CAP2: variants seen among roughly 807,000 people sequenced by gnomAD.
CAP2 encodes the protein cyclase associated actin cytoskeleton regulatory protein 2, also known as adenylyl cyclase-associated protein 2.
In CAP2, 24 loss-of-function variants were observed where a neutral mutation model predicts 57.7. The ratio of observed to expected loss-of-function variants is 0.42; its 90% CI spans 0.30 to 0.58. CAP2 has a LOEUF of 0.58. Among genes scored for constraint, CAP2 ranks in the 20% least tolerant of loss-of-function variants. CAP2 has a pLI of 0.22. For missense variants in CAP2, 501 were observed against 590.3 expected (o/e 0.85, Z 1.57); for synonymous variants, 194 against 207.2 (o/e 0.94, Z 0.55).
In CAP2 at chr6:17,557,626, A is replaced by G. The variant is rs917454884; in HGVS notation, c.*1184A>G. ...AATACATTGTTTCCATTTTTTAAAT[A>G]TCTTCTATATCCATATAGTATTCAA... On this transcript the variant is annotated 3_prime_UTR_variant, in exon 13 of 13. Transcript: ENST00000229922. 1.3e-5 allele frequency: 2 copies of G among 152,194 alleles called. No homozygotes were observed. The highest frequency in any genetic ancestry group is 4.8e-5 in the African/African-American group (2 of 41,448). 9.4% of individuals were successfully genotyped at this position (152,194 alleles called of 1,614,324 possible).
At chr6:17,541,934 G>C (rs3777707) in intron 9 of CAP2, among the ~76,000 whole-genome samples, 73,995 of 151,892 alleles carry the variant, frequency 0.49, 18,977 homozygotes, top group East Asian at 0.72. Context: ...TGGTAAAATA[G>C]ACGTAGCATA....
chr6:17,417,824 A>C (rs1028918449), intron 1 of CAP2, among the ~76,000 whole-genome samples: 1 of 151,940 alleles, frequency 6.6e-6, no homozygotes, highest in East Asian at 1.9e-4. Context: ...GGGTTCTTAG[A>C]ATATCTTCTT....
chr6:17,510,115 T>G (rs1044982807), intron 6 of CAP2, among the ~76,000 whole-genome samples: 5 of 151,510 alleles, frequency 3.3e-5, no homozygotes, highest in East Asian at 3.9e-4. Flanking sequence ...AAAATTTAAG[T>G]TTTTTTTTAA....
chr6:17,445,945 T>C (rs1760245868), intron 3 of CAP2, among the ~76,000 whole-genome samples: 1 of 152,250 alleles, frequency 6.6e-6, no homozygotes, highest in Non-Finnish European at 1.5e-5. Flanking sequence ...AATTATGCGT[T>C]ACACTTTGAA....
Position 17,430,474 on chromosome 6 carries a change from G to A in CAP2, c.222+3784G>A, listed in dbSNP as rs372681068. Among the ~76,000 whole-genome samples the A allele has an allele frequency of 2.0e-4, 31 of 151,958 alleles. No individual in the cohort carries two copies. The East Asian group carries it at 3.5e-3, about 17-fold the overall frequency. ...AAAGAAGCAGATCCTCTAGAAACTG[G>A]GCCTATATAATACCTAGCCCTTGGT... On this transcript the variant is annotated intron_variant, in intron 3 of 12. Transcript: ENST00000229922.
chr6:17,439,101 A>G (rs569270787), intron 3 of CAP2, among the ~76,000 whole-genome samples: 5 of 151,086 alleles, frequency 3.3e-5, no homozygotes, highest in African/African-American at 7.4e-5. Flanking sequence ...ACAGAGCGAG[A>G]CTCTGTCTTA....
intron 4 of CAP2, among the ~76,000 whole-genome samples, chr6:17,482,164 G>A (rs1475005894): frequency 6.6e-6 from 1 of 152,126 alleles, no homozygotes; most frequent in African/African-American, 2.4e-5. Flanking sequence ...AGGGCTGCTG[G>A]AACAAAATAA....
chr6:17,511,685 C>T (rs1762156431), intron 6 of CAP2, among the ~76,000 whole-genome samples: 1 of 152,078 alleles, frequency 6.6e-6, no homozygotes, highest in Non-Finnish European at 1.5e-5. Flanking sequence ...AACTCCTAAC[C>T]GCAAATGATC....
intron 2 of CAP2, among the ~76,000 whole-genome samples, chr6:17,422,003 C>T (rs559201014): frequency 2.2e-4 from 34 of 152,360 alleles, no homozygotes; most frequent in Middle Eastern, 3.4e-3. Flanking sequence ...CTGCCTCGGC[C>T]TCCCGAAGTG....
intron 3 of CAP2, among the ~76,000 whole-genome samples, chr6:17,456,449 G>C (rs759158397): frequency 8.5e-5 from 13 of 152,132 alleles, no homozygotes; most frequent in Non-Finnish European, 1.5e-4. Context: ...CTCATTTCTT[G>C]TCTCAATTTC....
intron 7 of CAP2, among the ~76,000 whole-genome samples, chr6:17,514,279 C>T (rs1308116229): frequency 6.6e-6 from 1 of 152,066 alleles, no homozygotes; most frequent in Admixed American, 6.6e-5. Context: ...ATGAGAATTG[C>T]TTGAACCCAG....
intron 11 of CAP2, among the ~76,000 whole-genome samples, chr6:17,547,089 A>G (rs1220861457): frequency 6.6e-6 from 1 of 152,222 alleles, no homozygotes; most frequent in Non-Finnish European, 1.5e-5. Context: ...CAATTGCTTC[A>G]AAGAGAATAA....
chr6:17,531,117 A>G, intron 7 of CAP2: 1 of 762,294 alleles, frequency 1.3e-6, no homozygotes, highest in Non-Finnish European at 2.4e-6. Flanking sequence ...AGATTGAGCC[A>G]TCAAAGCCTC....
chr6:17,466,627 G>A (rs935072998), intron 4 of CAP2, among the ~76,000 whole-genome samples: 5 of 152,220 alleles, frequency 3.3e-5, no homozygotes, highest in African/African-American at 7.2e-5. Context: ...TTGGTCTCAA[G>A]TGGGGTGCAA....
At chr6:17,402,132 C>T (rs1195796457) in intron 1 of CAP2, among the ~76,000 whole-genome samples, 2 of 152,162 alleles carry the variant, frequency 1.3e-5, no homozygotes, top group East Asian at 1.9e-4. Context: ...CCTCCTCTTC[C>T]ATATGTGCTT....
Position 17,507,220 on chromosome 6 carries a change from C to T in CAP2, c.352C>T (p.Gln118Ter). The change falls in exon 5 of 13, where the codon CAA becomes TAA. Residue 118 changes from glutamine (Q) to a stop codon, truncating the protein, a stop_gained. Transcript: ENST00000229922. LOFTEE classifies it high-confidence loss of function. Reference sequence around the variant, plus strand: ...CATATCGGAAAAGATTCAGGAAATCCAAACTTTCAGAGAGAGAAACCGGGG... The same window carrying T: ...CATATCGGAAAAGATTCAGGAAATCTAAACTTTCAGAGAGAGAAACCGGGG... ...KPISEKIQEI[Q>*]TFRERNRGSN... The T allele has an allele frequency of 6.2e-7, 1 of 1,614,140 alleles. No individual in the cohort carries two copies.
intron 7 of CAP2, among the ~76,000 whole-genome samples, chr6:17,517,529 A>G (rs1457448526): frequency 1.3e-5 from 2 of 152,120 alleles, no homozygotes; most frequent in African/African-American, 4.8e-5. Context: ...TTTTTATTTC[A>G]TTTTTTATAA....
chr6:17,462,848 C>A, intron 3 of CAP2, 148 bp from the exon 4 acceptor site: 1 of 636,938 alleles, frequency 1.6e-6, no homozygotes. Context: ...TTATATGATG[C>A]TGTTACGAAC....
At chr6:17,467,864 A>G (rs557688558) in intron 4 of CAP2, among the ~76,000 whole-genome samples, 4 of 152,294 alleles carry the variant, frequency 2.6e-5, no homozygotes, top group Non-Finnish European at 5.9e-5. Context: ...TATTGACTAC[A>G]GTCACCCTGT....
Sources: gnomAD v4.1 joint callset for allele counts (sites outside exome capture counted in the v4.1 genomes callset) on GRCh38, gnomAD v4.1.1 for gene constraint, MANE v1.5 for transcripts, NCBI Gene and HGNC (gene_info 2026-07-23, HGNC 2026-07-21) for gene names.